The following CDKAL1 variants were observed in gnomAD, a reference collection of about 807,000 sequenced individuals.
CDKAL1 encodes threonylcarbamoyladenosine tRNA methylthiotransferase.
CDKAL1 carries 32 observed loss-of-function variants against 68.2 expected under a neutral mutation model. The observed-to-expected ratio is 0.47, with a 90% CI of 0.35 to 0.63. The LOEUF is 0.63. Among genes scored for constraint, CDKAL1 ranks in the 30% least tolerant of loss-of-function variants. The pLI is 0.00. For synonymous variants in CDKAL1, 234 were observed against 244.3 expected (o/e 0.96, Z 0.39); for missense variants, 606 against 696.7 (o/e 0.87, Z 1.47).
chr6:21,144,677 A>G (rs528098470), intron 13 of CDKAL1, among the ~76,000 whole-genome samples: 98 of 151,242 alleles, frequency 6.5e-4, no homozygotes, highest in Non-Finnish European at 1.1e-3. Flanking sequence ...GCATGTACCT[A>G]TAGTCCCAGC....
At chr6:20,751,730 C>G (rs1297535076) in intron 6 of CDKAL1, among the ~76,000 whole-genome samples, 3 of 152,162 alleles carry the variant, frequency 2.0e-5, no homozygotes, top group African/African-American at 7.2e-5. Flanking sequence ...TGTTTATACA[C>G]CAACTCCTTT....
rs142466099 is a variant in CDKAL1 at position 20,740,346 on chromosome 6, C to T, written c.468+731C>T. Among the ~76,000 whole-genome samples the T allele has an allele frequency of 4.8e-4, 73 of 152,182 alleles. 1 individual carries two copies. In the East Asian group the frequency reaches 0.014, roughly 29 times the overall value. ...CTTTTTTTTGGGGGGCGTGGGCAGT[C>T]AGCTCTGTGAAGTAAGGAGACTACT... On this transcript the variant is annotated intron_variant, in intron 6 of 15. Coordinates refer to ENST00000274695, the MANE Select transcript of CDKAL1 (RefSeq NM_017774.3).
At chr6:20,646,594 G>A (rs914101652) in intron 4 of CDKAL1, among the ~76,000 whole-genome samples, 2 of 151,846 alleles carry the variant, frequency 1.3e-5, no homozygotes, top group Admixed American at 1.3e-4. Flanking sequence ...ACAATAATTT[G>A]CATTATTTAT....
At chr6:20,553,564 G>C (rs1020877803) in intron 4 of CDKAL1, among the ~76,000 whole-genome samples, 3 of 152,204 alleles carry the variant, frequency 2.0e-5, no homozygotes, top group Non-Finnish European at 4.4e-5. Flanking sequence ...GCAGTTTGCT[G>C]TTGTTCATTG....
intron 4 of CDKAL1, chr6:20,558,579 G>C (rs1216198059): frequency 4.4e-6 from 2 of 456,648 alleles, no homozygotes; most frequent in African/African-American, 2.0e-5. Context: ...TGGAATTCTG[G>C]AATGGCTAGC....
chr6:21,165,236 T>C (rs934368405), intron 13 of CDKAL1, among the ~76,000 whole-genome samples: 5 of 152,244 alleles, frequency 3.3e-5, no homozygotes, highest in African/African-American at 1.2e-4. Context: ...TCTAAGAATT[T>C]CTGACTGATT....
chr6:20,874,147 A>G (rs551746976), intron 9 of CDKAL1, among the ~76,000 whole-genome samples: 3 of 152,308 alleles, frequency 2.0e-5, no homozygotes, highest in South Asian at 4.1e-4. Flanking sequence ...AAAGCCCCAT[A>G]AAAGCTACTC....
intron 13 of CDKAL1, among the ~76,000 whole-genome samples, chr6:21,160,656 C>CACGTGT (rs1554189726): frequency 2.2e-4 from 28 of 128,002 alleles, no homozygotes; most frequent in Admixed American, 1.2e-3. Flanking sequence ...CACACACACA[C>CACGTGT]GTGTGTGTGT....
At chr6:20,730,757 T>C (rs1772882633) in intron 5 of CDKAL1, among the ~76,000 whole-genome samples, 1 of 150,956 alleles carries the variant, frequency 6.6e-6, no homozygotes, top group Non-Finnish European at 1.5e-5. Flanking sequence ...AGGCAGGGAA[T>C]TGCTTGAACC....
intron 4 of CDKAL1, among the ~76,000 whole-genome samples, chr6:20,583,838 T>G (rs946480231): frequency 4.1e-5 from 6 of 148,138 alleles, no homozygotes; most frequent in African/African-American, 1.5e-4. Context: ...CTCTCAACAA[T>G]TTTTGCTACT....
chr6:20,685,146 G>A (rs1770559398), intron 5 of CDKAL1, among the ~76,000 whole-genome samples: 1 of 152,060 alleles, frequency 6.6e-6, no homozygotes, highest in South Asian at 2.1e-4. Context: ...GTTTTACATT[G>A]AGGTCTGAGC....
chr6:20,966,474 TA>T (rs1765319573), intron 10 of CDKAL1, among the ~76,000 whole-genome samples: 1 of 152,224 alleles, frequency 6.6e-6, no homozygotes, highest in African/African-American at 2.4e-5. Flanking sequence ...CCATGTTTAA[TA>T]AATCACTTTT....
At chr6:20,962,875 A>G (rs181473911) in intron 10 of CDKAL1, among the ~76,000 whole-genome samples, 1 of 152,314 alleles carries the variant, frequency 6.6e-6, no homozygotes, top group Admixed American at 6.5e-5. Flanking sequence ...GGTTTGATCT[A>G]ACTGTTGGCA....
chr6:20,697,112 C>G (rs1771141424), intron 5 of CDKAL1, among the ~76,000 whole-genome samples: 1 of 152,056 alleles, frequency 6.6e-6, no homozygotes, highest in African/African-American at 2.4e-5. Flanking sequence ...ATTGGCTGTT[C>G]TTTTCTAGGG....
At chr6:20,666,556 C>T (rs1248553020) in intron 5 of CDKAL1, among the ~76,000 whole-genome samples, 3 of 151,914 alleles carry the variant, frequency 2.0e-5, no homozygotes, top group Non-Finnish European at 4.4e-5. Context: ...AATCTTATGC[C>T]GTCTTAGGTA....
intron 4 of CDKAL1, among the ~76,000 whole-genome samples, chr6:20,554,689 C>T (rs1209220065): frequency 6.6e-6 from 1 of 152,144 alleles, no homozygotes; most frequent in Admixed American, 6.6e-5. Flanking sequence ...TTAAGGAATT[C>T]GTAACCACTC....
chr6:21,087,759 A>G (rs1772771376), intron 12 of CDKAL1, among the ~76,000 whole-genome samples: 1 of 152,006 alleles, frequency 6.6e-6, no homozygotes, highest in Non-Finnish European at 1.5e-5. Flanking sequence ...ATAAATGTAT[A>G]TTTAATTATA....
rs1581968506 is a variant in CDKAL1 at position 20,986,346 on chromosome 6, G to C, written c.910-13881G>C. On this transcript the variant is annotated intron_variant, in intron 10 of 15. Transcript: ENST00000274695. ...TTTAGTTGTTTCAAGATGATAGCAA[G>C]AGTAATGAATCCTTCTTTTAATAAT... is the stretch of plus-strand genomic sequence containing the variant. 2.0e-5 allele frequency among the ~76,000 whole-genome samples: 3 copies of C among 152,208 alleles called. No homozygotes were observed. The South Asian group carries it at 6.2e-4, about 32-fold the overall frequency.
intron 4 of CDKAL1, among the ~76,000 whole-genome samples, chr6:20,556,077 TTTC>T (rs1287334119): frequency 6.6e-6 from 1 of 151,998 alleles, no homozygotes; most frequent in Non-Finnish European, 1.5e-5. Context: ...AAGTAAGCTG[TTTC>T]TTGGCCGGGT....
Sources: gnomAD v4.1 joint callset for allele counts (sites outside exome capture counted in the v4.1 genomes callset) on GRCh38, gnomAD v4.1.1 for gene constraint, MANE v1.5 for transcripts, NCBI Gene and HGNC (gene_info 2026-07-23, HGNC 2026-07-21) for gene names.